Variants in SORCS3 observed in about 807,000 individuals in gnomAD.
The protein encoded by SORCS3 is sortilin related VPS10 domain containing receptor 3, also known as VPS10 domain-containing receptor SorCS3.
In SORCS3, 57 loss-of-function variants were observed where a neutral mutation model predicts 146.3. That is an observed-to-expected ratio of 0.39 (90% confidence interval 0.31 to 0.49). The LOEUF (loss-of-function observed/expected upper bound fraction) is 0.49, where lower values mean the gene tolerates loss of function less well. Among genes scored for constraint, SORCS3 ranks in the 20% least tolerant of loss-of-function variants. The pLI, the probability that SORCS3 is intolerant of heterozygous loss-of-function variation, is 0.92. For missense variants in SORCS3, 1,341 were observed against 1,575.5 expected (o/e 0.85, Z 2.52); for synonymous variants, 653 against 618.5 (o/e 1.06, Z -0.83).
intron 2 of SORCS3, among the ~76,000 whole-genome samples, chr10:104,871,422 T>C: frequency 6.6e-6 from 1 of 152,190 alleles, no homozygotes; most frequent in Non-Finnish European, 1.5e-5. Flanking sequence ...TTTTAAGAAT[T>C]CTGCTACTTT....
chr10:105,262,569 T>C, intron 26 of SORCS3, 78 bp downstream of exon 26: 1 of 1,437,856 alleles, frequency 7.0e-7, no homozygotes, highest in South Asian at 1.4e-5. Flanking sequence ...CCCCCATACA[T>C]TACTGGACTG....
chr10:104,684,144 G>C (rs2016014361), intron 1 of SORCS3, among the ~76,000 whole-genome samples: 1 of 152,086 alleles, frequency 6.6e-6, no homozygotes, highest in African/African-American at 2.4e-5. Flanking sequence ...CCCTGGTCTT[G>C]ACACTCTCCA....
intron 1 of SORCS3, among the ~76,000 whole-genome samples, chr10:104,695,656 A>C (rs1213706979): frequency 1.3e-5 from 2 of 151,928 alleles, no homozygotes; most frequent in African/African-American, 2.4e-5. Flanking sequence ...GCAAATTTGT[A>C]ATATGGGTAT....
chr10:104,977,568 C>T, intron 4 of SORCS3, 75 bp downstream of exon 4: 1 of 1,379,486 alleles, frequency 7.2e-7, no homozygotes, highest in South Asian at 1.4e-5. Flanking sequence ...TTGCTTAATC[C>T]ACATTTTGGA....
chr10:104,991,803 T>C (rs1479928285), intron 4 of SORCS3, among the ~76,000 whole-genome samples: 1 of 152,164 alleles, frequency 6.6e-6, no homozygotes, highest in African/African-American at 2.4e-5. Flanking sequence ...CTGGCCGATT[T>C]CCTCTTCTTA....
At chr10:105,242,567 TA>T (rs1343172101) in intron 20 of SORCS3, among the ~76,000 whole-genome samples, 6 of 38,952 alleles carry the variant, frequency 1.5e-4, no homozygotes, top group African/African-American at 6.5e-4. Flanking sequence ...CATTTATATA[TA>T]TTTATATATT....
At chr10:104,887,005 C>A (rs994899732) in intron 2 of SORCS3, among the ~76,000 whole-genome samples, 50 of 152,124 alleles carry the variant, frequency 3.3e-4, no homozygotes, top group Non-Finnish European at 5.9e-5. Context: ...CAAATTTTTT[C>A]ATTCAGCAAG....
At chr10:104,719,552 A>T (rs577644673) in intron 1 of SORCS3, among the ~76,000 whole-genome samples, 6 of 152,132 alleles carry the variant, frequency 3.9e-5, no homozygotes, top group Non-Finnish European at 8.8e-5. Context: ...TCTCTATCTG[A>T]TCTTAGACTA....
At chr10:105,121,411 T>C (rs2055931745) in intron 7 of SORCS3, among the ~76,000 whole-genome samples, 1 of 152,200 alleles carries the variant, frequency 6.6e-6, no homozygotes, top group Non-Finnish European at 1.5e-5. Flanking sequence ...CCCATGGTTG[T>C]ATAGCTCAGG....
chr10:105,242,643 T>C (rs1332400803), intron 20 of SORCS3, among the ~76,000 whole-genome samples: 2 of 105,374 alleles, frequency 1.9e-5, no homozygotes, highest in Admixed American at 1.4e-4. Context: ...TACATTTATA[T>C]ATATATTTAT....
chr10:104,990,268 T>G (rs1343965884), intron 4 of SORCS3, among the ~76,000 whole-genome samples: 1 of 152,250 alleles, frequency 6.6e-6, no homozygotes, highest in Non-Finnish European at 1.5e-5. Flanking sequence ...CCCAATGGAA[T>G]GAAACTCTAG....
intron 2 of SORCS3, among the ~76,000 whole-genome samples, chr10:104,886,555 CATCTATCT>C (rs55977539): frequency 0.2 from 24,765 of 126,700 alleles, 2,319 homozygotes; most frequent in Non-Finnish European, 0.23. Flanking sequence ...ATAACTCTAT[CATCTATCT>C]ATCTATCTAT....
intron 2 of SORCS3, among the ~76,000 whole-genome samples, chr10:104,891,756 G>T (rs985830079): frequency 6.6e-6 from 1 of 152,012 alleles, no homozygotes; most frequent in Non-Finnish European, 1.5e-5. Context: ...TAAAACTGAG[G>T]TCCAAAAAAG....
chr10:104,756,534 C>T (rs907093613), intron 1 of SORCS3, among the ~76,000 whole-genome samples: 1 of 152,198 alleles, frequency 6.6e-6, no homozygotes, highest in African/African-American at 2.4e-5. Flanking sequence ...GCACCTTCTT[C>T]ATAAACAGAG....
chr10:104,816,909 A>T (rs927881208), intron 1 of SORCS3, among the ~76,000 whole-genome samples: 1 of 152,170 alleles, frequency 6.6e-6, no homozygotes, highest in Non-Finnish European at 1.5e-5. Flanking sequence ...CTTTAAGACC[A>T]ACAGGGAATA....
chr10:105,075,644 A>AG lies in SORCS3; in HGVS notation c.1029-14125dup, dbSNP rs536699421. On this transcript the variant is annotated intron_variant, in intron 5 of 26. Transcript: ENST00000369701. ...TGCTTCATTAGTTTCCCTATAAAGA[A>AG]GGGGGGCGAGAAGGGGTGGAGCAGA... 3.9e-5 allele frequency among the ~76,000 whole-genome samples: 6 copies of AG among 152,260 alleles called. No homozygotes were observed. The East Asian group carries it at 5.8e-4, about 15-fold the overall frequency.
chr10:104,713,663 A>T (rs1003200703), intron 1 of SORCS3, among the ~76,000 whole-genome samples: 12 of 152,082 alleles, frequency 7.9e-5, no homozygotes, highest in African/African-American at 2.2e-4. Context: ...GCATTATATA[A>T]TTTTTTTTAT....
intron 4 of SORCS3, among the ~76,000 whole-genome samples, chr10:105,008,778 C>A (rs1464971126): frequency 6.6e-6 from 1 of 152,214 alleles, no homozygotes; most frequent in Non-Finnish European, 1.5e-5. Flanking sequence ...TCCTGAGTAG[C>A]TGGGATTACA....
chr10:105,169,621 A>G (rs551880652), intron 13 of SORCS3, among the ~76,000 whole-genome samples: 7 of 152,222 alleles, frequency 4.6e-5, no homozygotes, highest in African/African-American at 1.4e-4. Flanking sequence ...AAAAATGTAA[A>G]TAGAGGTGGG....
Sources: allele counts gnomAD v4.1 joint callset (sites outside exome capture counted in the v4.1 genomes callset), GRCh38; gene constraint gnomAD v4.1.1; transcripts MANE v1.5; gene names NCBI Gene and HGNC (gene_info 2026-07-23, HGNC 2026-07-21).